Variants in PPP2R2B observed in about 807,000 individuals in gnomAD.
PPP2R2B encodes serine/threonine-protein phosphatase 2A 55 kDa regulatory subunit B beta isoform.
Under a neutral mutation model 46.0 loss-of-function variants are expected in PPP2R2B, and 5 were observed. The ratio of observed to expected loss-of-function variants is 0.11; its 90% CI spans 0.06 to 0.23. The LOEUF is 0.23. Among genes scored for constraint, PPP2R2B ranks in the 10% least tolerant of loss-of-function variants. PPP2R2B has a pLI of 1.00. For synonymous variants in PPP2R2B, 215 were observed against 206.7 expected (o/e 1.04, Z -0.34); for missense variants, 367 against 575.0 (o/e 0.64, Z 3.70).
At position 146,922,732 on chromosome 5, in the gene PPP2R2B, C is replaced by T. The variant is rs62373314; in HGVS notation, c.79+132933G>A. Among the ~76,000 whole-genome samples the T allele has an allele frequency of 8.4e-3, 1,285 of 152,276 alleles. 10 individuals are homozygous for T. Among genetic ancestry groups the T allele is most frequent in the Non-Finnish European group, 0.013 (895 of 68,036 alleles). The stretch of plus-strand genomic sequence containing the variant: ...CCCTACTCTCAGTTCTAGAGTAGAA[C>T]TCTGGGTGGTTTAAGCCCATCAGCA... On this transcript the variant is annotated intron_variant, in intron 1 of 8. Coordinates refer to the PPP2R2B transcript ENST00000336640.
chr5:147,004,133 C>G (rs1390423975), intron 1 of PPP2R2B, among the ~76,000 whole-genome samples: 2 of 152,108 alleles, frequency 1.3e-5, no homozygotes, highest in Admixed American at 6.6e-5. Flanking sequence ...TCAGAGAGGA[C>G]AGAAAACAGA....
intron 2 of PPP2R2B, among the ~76,000 whole-genome samples, chr5:146,744,027 T>C (rs1753030572): frequency 1.3e-5 from 2 of 152,018 alleles, no homozygotes; most frequent in East Asian, 1.9e-4. Context: ...GATTTATTCA[T>C]ACCATGCCTG....
intron 1 of PPP2R2B, among the ~76,000 whole-genome samples, chr5:146,896,950 T>G (rs932239203): frequency 6.6e-6 from 1 of 152,096 alleles, no homozygotes; most frequent in Non-Finnish European, 1.5e-5. Context: ...AAGAAGGTAA[T>G]GATCCTCCTT....
At chr5:146,767,168 A>C (rs576916484) in intron 2 of PPP2R2B, among the ~76,000 whole-genome samples, 79 of 152,268 alleles carry the variant, frequency 5.2e-4, no homozygotes, top group Non-Finnish European at 1.1e-3. Flanking sequence ...GGCCAAGAAG[A>C]AAATCACAAA....
intron 2 of PPP2R2B, among the ~76,000 whole-genome samples, chr5:146,829,156 A>G (rs2151346526): frequency 1.3e-5 from 2 of 152,348 alleles, no homozygotes; most frequent in East Asian, 1.9e-4. Flanking sequence ...CAAGGGTGAC[A>G]TGACCACCAT....
At chr5:147,017,981 C>T (rs1003697864) in intron 1 of PPP2R2B, among the ~76,000 whole-genome samples, 1 of 151,644 alleles carries the variant, frequency 6.6e-6, no homozygotes, top group East Asian at 1.9e-4. Flanking sequence ...TGTAGTTTTG[C>T]ATGTAGGAAA....
At chr5:146,590,398 G>GTTTTTTTTTTTTTTTTTTT (rs1221281341) in intron 9 of PPP2R2B, among the ~76,000 whole-genome samples, 172 bp from the exon 10 acceptor site, 1 of 113,418 alleles carries the variant, frequency 8.8e-6, no homozygotes, top group Non-Finnish European at 1.9e-5. Flanking sequence ...TTTTTTTTGT[G>GTTTTTTTTTTTTTTTTTTT]TTTTTTTTTT....
intron 2 of PPP2R2B, among the ~76,000 whole-genome samples, chr5:146,858,562 C>CA (rs917030698): frequency 1.7e-4 from 25 of 151,130 alleles, no homozygotes; most frequent in African/African-American, 4.6e-4. Context: ...GGAAATGAGG[C>CA]AAAAAAAATA....
chr5:146,898,450 T>C (rs1400687148), intron 1 of PPP2R2B, among the ~76,000 whole-genome samples: 3 of 152,112 alleles, frequency 2.0e-5, no homozygotes, highest in African/African-American at 4.8e-5. Flanking sequence ...GATCCCTTCC[T>C]TACACCTTAT....
intron 1 of PPP2R2B, among the ~76,000 whole-genome samples, chr5:146,990,095 T>C (rs905839051): frequency 4.7e-5 from 4 of 85,720 alleles, no homozygotes; most frequent in Admixed American, 1.2e-4. Context: ...GACAAATAAA[T>C]GAAAAGACAT....
chr5:146,683,349 G>A, intron 5 of PPP2R2B, among the ~76,000 whole-genome samples: 1 of 152,262 alleles, frequency 6.6e-6, no homozygotes, highest in African/African-American at 2.4e-5. Flanking sequence ...TAGTACAAGA[G>A]GCAGGACAGC....
chr5:146,644,853 G>T (rs950321038), intron 6 of PPP2R2B, among the ~76,000 whole-genome samples: 1 of 152,180 alleles, frequency 6.6e-6, no homozygotes, highest in Admixed American at 6.5e-5. Flanking sequence ...CAAGGATAGG[G>T]TTTATATGCA....
At chr5:147,026,230 A>AAT (rs1392248374) in intron 1 of PPP2R2B, among the ~76,000 whole-genome samples, 1 of 152,142 alleles carries the variant, frequency 6.6e-6, no homozygotes, top group Non-Finnish European at 1.5e-5. Flanking sequence ...AAACAATCCA[A>AAT]ATATCCATCA....
At chr5:146,707,104 C>T (rs1312819124) in intron 2 of PPP2R2B, 4 of 1,573,540 alleles carry the variant, frequency 2.5e-6, no homozygotes, top group Non-Finnish European at 2.6e-6. Flanking sequence ...CTCCACCAGC[C>T]CCTGCGTGTT....
chr5:146,962,974 C>A (rs982318726), intron 1 of PPP2R2B, among the ~76,000 whole-genome samples: 4 of 152,184 alleles, frequency 2.6e-5, no homozygotes, highest in Admixed American at 6.5e-5. Flanking sequence ...CTTAGTGGAG[C>A]TGAATAGAGA....
At chr5:146,635,401 A>G (rs1774749907) in intron 7 of PPP2R2B, among the ~76,000 whole-genome samples, 1 of 151,384 alleles carries the variant, frequency 6.6e-6, no homozygotes, top group Non-Finnish European at 1.5e-5. Context: ...CCAATTAGTT[A>G]TTTACCATTC....
chr5:146,905,111 G>A (rs910221363), intron 1 of PPP2R2B, among the ~76,000 whole-genome samples: 1 of 152,112 alleles, frequency 6.6e-6, no homozygotes. Flanking sequence ...AAATACCATT[G>A]CATCTCTACT....
intron 5 of PPP2R2B, among the ~76,000 whole-genome samples, chr5:146,658,182 C>T (rs1050069273): frequency 2.0e-5 from 3 of 152,124 alleles, no homozygotes; most frequent in African/African-American, 7.2e-5. Flanking sequence ...CCACCTCATC[C>T]TAGGTATACG....
chr5:146,828,057 C>T (rs319151), intron 2 of PPP2R2B, among the ~76,000 whole-genome samples: 51,929 of 151,504 alleles, frequency 0.34, 9,556 homozygotes, highest in East Asian at 0.65. Flanking sequence ...CAATCATGTA[C>T]GCTTTCTTTC....
Sources: gnomAD v4.1 joint callset for allele counts (sites outside exome capture counted in the v4.1 genomes callset) on GRCh38, gnomAD v4.1.1 for gene constraint, MANE v1.5 for transcripts, NCBI Gene and HGNC (gene_info 2026-07-23, HGNC 2026-07-21) for gene names.